The following UGT2B15 variants were observed in gnomAD, a reference collection of about 807,000 sequenced individuals.
UGT2B15 encodes UDP-glucuronosyltransferase 2B15.
A neutral mutation model predicts 45.9 loss-of-function variants in UGT2B15; 36 were observed. The ratio of observed to expected loss-of-function variants is 0.78; its 90% CI spans 0.60 to 1.04. The LOEUF is 1.04. Among genes scored for constraint, UGT2B15 ranks in the 50% least tolerant of loss-of-function variants. The pLI, the probability that UGT2B15 is intolerant of heterozygous loss-of-function variation, is 0.00. For synonymous variants in UGT2B15, 219 were observed against 216.4 expected, an observed-to-expected ratio of 1.01 and a Z score of -0.11; for missense variants, 617 against 622.4, an observed-to-expected ratio of 0.99 and a Z score of 0.09.
chr4:68,655,242 A>G, intron 3 of UGT2B15, 60 bp from the exon 4 acceptor site: 2 of 1,548,936 alleles, frequency 1.3e-6, no homozygotes, highest in Non-Finnish European at 1.8e-6. Context: ...ATAGCATGTT[A>G]GAATTCTGAA....
At position 68,654,292 on chromosome 4, in the gene UGT2B15, A is replaced by G. The variant is rs1732741484; in HGVS notation, c.1094-36T>C. 3.1e-6 allele frequency: 5 copies of G among 1,602,470 alleles called. 1 individual carries two copies. Among genetic ancestry groups the G allele is most frequent in the Admixed American group, 1.7e-5 (1 of 59,222 alleles). On this transcript the variant is annotated intron_variant, in intron 4 of 5. Coordinates refer to ENST00000338206, the MANE Select transcript of UGT2B15 (RefSeq NM_001076.4). ...ATGCATTTTAACAAAATTATTAATT[A>G]CAAGGTATGAGAATTGAATAAGAAA...
chr4:68,655,766 A>C (rs1578196249), intron 3 of UGT2B15, among the ~76,000 whole-genome samples: 2 of 152,132 alleles, frequency 1.3e-5, no homozygotes, highest in South Asian at 4.2e-4. Context: ...AAATGTATAA[A>C]ACCAAACTGT....
intron 1 of UGT2B15, among the ~76,000 whole-genome samples, chr4:68,669,647 T>G (rs1733241694): frequency 6.6e-6 from 1 of 152,136 alleles, no homozygotes; most frequent in South Asian, 2.1e-4. Context: ...TTTAAAGAAA[T>G]CATTAGTGCT....
rs758718882 is a variant in UGT2B15, at chr4:68,670,503, A to G, written c.116T>C (p.Met39Thr). ...WPTEYSHWIN[M>T]KTILEELVQR... ...AACAAGCTCTTCCAGGATTGTCTTC[A>G]TATTTATCCAATGGCTGTATTCTGT... The change falls in exon 1 of 6, where the codon ATG becomes ACG. Residue 39 changes from methionine to threonine, a missense_variant. Physicochemically the swap from Met to Thr is moderately conservative, Grantham distance 81 (BLOSUM62 -1). Around this residue, in one of 3 missense-constraint regions of UGT2B15, gnomAD observed 351 missense variants for 342.1 expected, o/e 1.03. Transcript: ENST00000338206. 34 of 1,613,820 alleles carry G rather than the reference A, an allele frequency of 2.1e-5. No individual in the cohort carries two copies. The highest frequency in any genetic ancestry group is 4.0e-5 in the African/African-American group (3 of 74,908).
At chr4:68,648,108 C>T (rs1308953704) in intron 5 of UGT2B15, among the ~76,000 whole-genome samples, 1 of 152,014 alleles carries the variant, frequency 6.6e-6, no homozygotes, top group African/African-American at 2.4e-5. Context: ...AATCTTTTGT[C>T]TTCTACCATA....
intron 5 of UGT2B15, among the ~76,000 whole-genome samples, chr4:68,652,022 A>G (rs1165741471): frequency 6.6e-6 from 1 of 151,976 alleles, no homozygotes; most frequent in Admixed American, 6.6e-5. Context: ...ATGTTTTTCC[A>G]TTTGTTTGTG....
intron 3 of UGT2B15, among the ~76,000 whole-genome samples, chr4:68,655,697 T>C (rs1444221629): frequency 6.6e-6 from 1 of 152,096 alleles, no homozygotes; most frequent in Non-Finnish European, 1.5e-5. Context: ...CTGTCTCCCA[T>C]TTCTGGACCG....
intron 5 of UGT2B15, among the ~76,000 whole-genome samples, chr4:68,648,076 C>T (rs570994435): frequency 1.3e-5 from 2 of 152,014 alleles, no homozygotes; most frequent in African/African-American, 4.8e-5. Context: ...TGCCTCCTAA[C>T]TAGTTTCTCA....
At chr4:68,650,038 G>A (rs188062429) in intron 5 of UGT2B15, among the ~76,000 whole-genome samples, 167 of 151,948 alleles carry the variant, frequency 1.1e-3, no homozygotes, top group African/African-American at 3.9e-3. Flanking sequence ...TCACTATGTT[G>A]GCCAGGAGTA....
chr4:68,659,482 A>G (rs1467245536), intron 3 of UGT2B15, among the ~76,000 whole-genome samples: 1 of 151,976 alleles, frequency 6.6e-6, no homozygotes. Flanking sequence ...AGCTGTATTT[A>G]TATAAGTATG....
Position 68,658,866 on chromosome 4 carries a change from G to T in UGT2B15, c.1006-3684C>A, listed in dbSNP as rs1369102422. Among the ~76,000 whole-genome samples the T allele has an allele frequency of 2.0e-5, 3 of 151,946 alleles. No individual in the cohort carries two copies. In the East Asian group the frequency reaches 5.8e-4, roughly 29 times the overall value. ...TTCTAAAAGCTATTCAGCTCCTCAA[G>T]GTCCAGGGACTATCACAGAAGAGGT... On this transcript the variant is annotated intron_variant, in intron 3 of 5. Coordinates refer to ENST00000338206, the MANE Select transcript of UGT2B15 (RefSeq NM_001076.4).
At position 68,647,182 on chromosome 4, in the gene UGT2B15, C is replaced by A; in HGVS notation, c.1515G>T (p.Val505=). The A allele has an allele frequency of 3.1e-6, 5 of 1,613,866 alleles. No individual in the cohort carries two copies. Among genetic ancestry groups the A allele is most frequent in the Non-Finnish European group, 4.2e-6 (5 of 1,179,914 alleles). The part of the protein sequence containing the change: ...IAFLLACVAT[V]IFIITKFCLF... Reference sequence around the variant, plus strand: ...GGCAAAATTTTGTGATGATAAATATCACAGTTGCCACGCAGGCCAGCAGGA... The same window carrying A: ...GGCAAAATTTTGTGATGATAAATATAACAGTTGCCACGCAGGCCAGCAGGA... The change falls in exon 6 of 6, where the codon GTG becomes GTT. Residue 505 remains valine (V), a synonymous_variant. Transcript: ENST00000338206.
At chr4:68,657,831 G>A (rs1458576495) in intron 3 of UGT2B15, among the ~76,000 whole-genome samples, 1 of 152,056 alleles carries the variant, frequency 6.6e-6, no homozygotes, top group East Asian at 1.9e-4. Context: ...TTTATCTCAT[G>A]GCTAAAGTTC....
chr4:68,662,295 T>C (rs1426671435), intron 3 of UGT2B15, among the ~76,000 whole-genome samples: 1 of 152,026 alleles, frequency 6.6e-6, no homozygotes, highest in African/African-American at 2.4e-5. Context: ...ATAATGCACA[T>C]AGTCTACCCT....
rs758424244 is a variant in UGT2B15, at chr4:68,668,168, C to T, written c.745G>A (p.Glu249Lys). The T allele has an allele frequency of 1.4e-5, 22 of 1,612,610 alleles. No individual in the cohort carries two copies. In the South Asian group the frequency reaches 1.7e-4, roughly 12 times the overall value. Residue 249 changes from glutamate (E) to lysine (K), a missense_variant, in exon 2 of 6, where the codon GAG becomes AAG. Physicochemically the swap from Glu to Lys is moderately conservative, Grantham distance 56. Around this residue, in one of 3 missense-constraint regions of UGT2B15, gnomAD observed 351 missense variants for 342.1 expected, o/e 1.03. Transcript: ENST00000338206. ...EVLGRPTTLF[E>K]TMGKAEMWLI... ...CACATTTCAGCTTTCCCCATTGTCT[C>T]AAATAATGTAGTGGGTCTTCCTGAT...
At position 68,662,125 on chromosome 4, in the gene UGT2B15, T is replaced by C. The variant is rs148114808; in HGVS notation, c.1005+883A>G. Among the ~76,000 whole-genome samples, 1,242 of 152,222 alleles carry C rather than the reference T, an allele frequency of 8.2e-3. 15 individuals carry two copies. Among genetic ancestry groups the C allele is most frequent in the Middle Eastern group, 0.017 (5 of 294 alleles). Reference sequence around the variant, plus strand: ...TGTATAGATCATTCAGAGAGGGCTATGTCAGATAAGAAACTAAAACGTAAA... The same window carrying C: ...TGTATAGATCATTCAGAGAGGGCTACGTCAGATAAGAAACTAAAACGTAAA... On this transcript the variant is annotated intron_variant, in intron 3 of 5. Coordinates refer to ENST00000338206, the MANE Select transcript of UGT2B15 (RefSeq NM_001076.4).
Position 68,649,679 on chromosome 4 carries a change from TAC to T in UGT2B15, c.1314-2298_1314-2297del, listed in dbSNP as rs201207489. ...TATACAGATAAATGTGCAATATATA[TAC>T]ACACACACATATATAACACATAGAT... On this transcript the variant is annotated intron_variant, in intron 5 of 5. Coordinates refer to ENST00000338206, the MANE Select transcript of UGT2B15 (RefSeq NM_001076.4). Among the ~76,000 whole-genome samples, 876 of 152,070 alleles carry T rather than the reference TAC, an allele frequency of 5.8e-3. 11 individuals are homozygous for T. The highest frequency in any genetic ancestry group is 0.02 in the African/African-American group (816 of 41,462).
At chr4:68,654,014 G>A in intron 5 of UGT2B15, 23 bp downstream of exon 5, 1 of 1,603,554 alleles carries the variant, frequency 6.2e-7, no homozygotes, top group Non-Finnish European at 8.5e-7. Context: ...AATACCACCT[G>A]GTCACAAAAC....
chr4:68,664,210 T>C (rs1305603177), intron 2 of UGT2B15, among the ~76,000 whole-genome samples: 3 of 151,766 alleles, frequency 2.0e-5, no homozygotes, highest in Non-Finnish European at 4.4e-5. Flanking sequence ...GATGTGTCCC[T>C]GTTTTTAAAC....
Sources: gnomAD v4.1 joint callset for allele counts (sites outside exome capture counted in the v4.1 genomes callset) on GRCh38, gnomAD v4.1.1 for gene constraint, gnomAD v4.1.1 regional missense constraint, MANE v1.5 for transcripts, NCBI Gene and HGNC (gene_info 2026-07-23, HGNC 2026-07-21) for gene names.